Variants in RPL35A observed in about 807,000 individuals in gnomAD.
RPL35A encodes ribosomal protein L35a, also known as large ribosomal subunit protein eL33.
In RPL35A, 1 loss-of-function variant was observed where a neutral mutation model predicts 16.7. The observed-to-expected ratio is 0.06, with a 90% CI of 0.02 to 0.28. The LOEUF (loss-of-function observed/expected upper bound fraction) is 0.28. RPL35A is among the 10% of genes least tolerant of loss of function. The probability of loss-of-function intolerance (pLI) is 1.00; values close to 1 mark genes in which losing one functional copy is unlikely to be tolerated. For synonymous variants in RPL35A, 58 were observed against 47.0 expected (o/e 1.23, Z -0.96); for missense variants, 91 against 138.7 (o/e 0.66, Z 1.73).
intron 1 of RPL35A, chr3:197,950,496 C>G (rs547768864): frequency 1.8e-5 from 6 of 342,146 alleles, no homozygotes; most frequent in Non-Finnish European, 2.5e-5. Context: ...GTCCATGAGG[C>G]AGTGCTTCCT....
At chr3:197,950,599 A>G in intron 1 of RPL35A, 1 of 381,870 alleles carries the variant, frequency 2.6e-6, no homozygotes, top group Non-Finnish European at 4.7e-6. Context: ...TAAAAGTCTT[A>G]CGTGTGTGTT....
intron 3 of RPL35A, 58 bp downstream of exon 3, chr3:197,951,369 T>C: frequency 6.4e-7 from 1 of 1,573,864 alleles, no homozygotes; most frequent in Non-Finnish European, 8.7e-7. Flanking sequence ...TTTTCTTTTT[T>C]ATATAACGGA....
Position 197,950,917 on chromosome 3 carries a change from T to C in RPL35A, c.-32-19T>C. On this transcript the variant is annotated intron_variant, in intron 1 of 4. Coordinates refer to ENST00000647248, the MANE Select transcript of RPL35A (RefSeq NM_000996.4). ...CTTGTGTGGCTTGGTTTTAAACTAA[T>C]CTTTTTGTTTGTTTTAAGGCCTGCT... 6.2e-7 allele frequency: 1 copy of C among 1,613,588 alleles called. No homozygotes were observed. The highest frequency in any genetic ancestry group is 8.5e-7 in the Non-Finnish European group (1 of 1,179,536).
chr3:197,950,366 A>G (rs1235874415), intron 1 of RPL35A, 145 bp downstream of exon 1: 2 of 1,215,586 alleles, frequency 1.6e-6, no homozygotes, highest in East Asian at 3.3e-5. Flanking sequence ...AACAGGATGG[A>G]GGAGATGTTG....
Position 197,955,758 on chromosome 3 carries a change from C to T in RPL35A, c.318C>T (p.Tyr106=), listed in dbSNP as rs539452928. The T allele has an allele frequency of 1.6e-5, 26 of 1,605,188 alleles. No individual in the cohort carries two copies. In the South Asian group the frequency reaches 2.1e-4, roughly 13 times the overall value. The part of the protein sequence containing the change: ...AIGHRIRVML[Y]PSRI ...TTCTTTTTTCCCTGCAGATGCTGTACCCCTCAAGGATTTAAACTAACGAAA... is the reference window on the plus strand; with the variant it reads ...TTCTTTTTTCCCTGCAGATGCTGTATCCCTCAAGGATTTAAACTAACGAAA... The change falls in exon 5 of 5, where the codon TAC becomes TAT. Residue 106 remains tyrosine (Y), a synonymous_variant. Transcript: ENST00000647248.
Position 197,951,430 on chromosome 3 carries a change from G to C in RPL35A, c.164+119G>C. 2.7e-6 allele frequency: 3 copies of C among 1,106,402 alleles called. No homozygotes were observed. In the East Asian group the frequency reaches 7.2e-5, roughly 27 times the overall value. The allele number at this position is 1,106,402 out of a possible 1,614,324, so 68.5% of individuals were successfully genotyped here. ...ATGCAGTGACTTGGTCTCCCTCACCGAAACCTCCGCCTCCCGGGTTCAAGC... is the reference window on the plus strand; with the variant it reads ...ATGCAGTGACTTGGTCTCCCTCACCCAAACCTCCGCCTCCCGGGTTCAAGC... On this transcript the variant is annotated intron_variant, in intron 3 of 4. Coordinates refer to ENST00000647248, the MANE Select transcript of RPL35A (RefSeq NM_000996.4).
In RPL35A at chr3:197,951,202, C is replaced by T. The variant is rs1349665099; in HGVS notation, c.55C>T (p.Arg19Trp). The change falls in exon 3 of 5, where the codon CGG becomes TGG. Residue 19 changes from arginine to tryptophan, a missense_variant. Coordinates refer to ENST00000647248, the MANE Select transcript of RPL35A (RefSeq NM_000996.4). ...TTTTGCTGGCTATAAGCGGGGTCTCCGGAACCAAAGGGAGCACACAGCTCT... is the reference window on the plus strand; with the variant it reads ...TTTTGCTGGCTATAAGCGGGGTCTCTGGAACCAAAGGGAGCACACAGCTCT... ...AIFAGYKRGL[R>W]NQREHTALLK... 2.5e-6 allele frequency: 4 copies of T among 1,613,954 alleles called. No homozygotes were observed. Among genetic ancestry groups the T allele is most frequent in the Non-Finnish European group, 3.4e-6 (4 of 1,180,024 alleles).
chr3:197,955,443 T>TA (rs1406987370), intron 4 of RPL35A, among the ~76,000 whole-genome samples: 6 of 152,100 alleles, frequency 3.9e-5, no homozygotes, highest in Non-Finnish European at 8.8e-5. Flanking sequence ...TTGTATTTTT[T>TA]AGTAGAGACA....
intron 4 of RPL35A, among the ~76,000 whole-genome samples, chr3:197,955,485 A>G (rs1478119190): frequency 2.0e-5 from 3 of 152,062 alleles, no homozygotes; most frequent in Admixed American, 6.6e-5. Flanking sequence ...GATGGTCTCT[A>G]TCTCTTGACC....
intron 4 of RPL35A, 158 bp downstream of exon 4, chr3:197,954,305 A>G: frequency 1.3e-6 from 1 of 765,432 alleles, no homozygotes. Flanking sequence ...ATAGTAATTG[A>G]AAGAATTAGG....
chr3:197,952,118 A>G (rs144635459), intron 3 of RPL35A, among the ~76,000 whole-genome samples: 11 of 150,374 alleles, frequency 7.3e-5, no homozygotes, highest in Admixed American at 3.3e-4. Context: ...GGATTTTTAG[A>G]ACACTTGTGC....
chr3:197,951,447 G>C (rs188946843), intron 3 of RPL35A, 136 bp downstream of exon 3: 3 of 943,970 alleles, frequency 3.2e-6, no homozygotes, highest in African/African-American at 1.6e-5. Flanking sequence ...CCGCCTCCCG[G>C]GTTCAAGCAA....
At chr3:197,953,929 C>A in intron 3 of RPL35A, 74 bp from the exon 4 acceptor site, 1 of 1,513,780 alleles carries the variant, frequency 6.6e-7, no homozygotes, top group Non-Finnish European at 9.2e-7. Context: ...GAGAGCCACT[C>A]GTGTAGAGGT....
intron 3 of RPL35A, among the ~76,000 whole-genome samples, chr3:197,953,089 G>C (rs1287288155): frequency 6.6e-6 from 1 of 152,210 alleles, no homozygotes; most frequent in Admixed American, 6.5e-5. Flanking sequence ...GTGAGCCATC[G>C]TGCCATTGCA....
At chr3:197,950,731 G>C (rs986989086) in intron 1 of RPL35A, 3 of 595,272 alleles carry the variant, frequency 5.0e-6, no homozygotes, top group Non-Finnish European at 8.9e-6. Context: ...TCATTCTGAA[G>C]TTTGCTTAGA....
At chr3:197,952,170 T>TG (rs1379084524) in intron 3 of RPL35A, among the ~76,000 whole-genome samples, 1 of 129,956 alleles carries the variant, frequency 7.7e-6, no homozygotes, top group Non-Finnish European at 1.6e-5. Context: ...GGGTTTTTTT[T>TG]TTTTTTTTTT....
intron 3 of RPL35A, chr3:197,953,347 G>C (rs2109811858): frequency 2.3e-6 from 1 of 435,338 alleles, no homozygotes. Flanking sequence ...CTGTACTGCA[G>C]CCTGGGTGAC....
rs993128613 is a variant in RPL35A at position 197,951,294 on chromosome 3, T to C, written c.147T>C (p.Tyr49=). The part of the protein sequence containing the change: ...TEFYLGKRCA[Y]VYKAKNNTVT... The stretch of plus-strand genomic sequence containing the variant: ...TCTATTTGGGCAAGAGATGCGCTTA[T>C]GTATATAAAGCAAAGAAGTAAGTTT... Residue 49 remains tyrosine (Y), a synonymous_variant, in exon 3 of 5, where the codon TAT becomes TAC. Coordinates refer to ENST00000647248, the MANE Select transcript of RPL35A (RefSeq NM_000996.4). 2 of 1,614,108 alleles carry C rather than the reference T, an allele frequency of 1.2e-6. No homozygotes were observed. The highest frequency in any genetic ancestry group is 1.1e-5 in the South Asian group (1 of 91,086).
At chr3:197,950,521 C>A (rs936776034) in intron 1 of RPL35A, 9 of 299,908 alleles carry the variant, frequency 3.0e-5, no homozygotes, top group African/African-American at 1.5e-4. Flanking sequence ...CCGTTTCCTC[C>A]CAGTCCATAC....
Sources: gnomAD v4.1 joint callset for allele counts (sites outside exome capture counted in the v4.1 genomes callset) on GRCh38, gnomAD v4.1.1 for gene constraint, MANE v1.5 for transcripts, NCBI Gene and HGNC (gene_info 2026-07-23, HGNC 2026-07-21) for gene names.